Variants in STK32B observed in about 807,000 individuals in gnomAD.
The protein encoded by STK32B is serine/threonine kinase 32B.
Under a neutral mutation model 52.6 loss-of-function variants are expected in STK32B, and 43 were observed. The ratio of observed to expected loss-of-function variants is 0.82; its 90% confidence interval spans 0.64 to 1.05. The LOEUF is 1.05. Among genes scored for constraint, STK32B ranks in the 50% least tolerant of loss-of-function variants. The pLI, the probability that STK32B is intolerant of heterozygous loss-of-function variation, is 0.00. For missense variants in STK32B, 621 were observed against 534.6 expected (o/e 1.16, Z -1.59); for synonymous variants, 238 against 204.3 (o/e 1.17, Z -1.41).
At chr4:5,319,038 T>C (rs958736162) in intron 3 of STK32B, among the ~76,000 whole-genome samples, 9 of 152,058 alleles carry the variant, frequency 5.9e-5, no homozygotes, top group Non-Finnish European at 1.0e-4. Flanking sequence ...TCTCCTGACC[T>C]TGTGATCCAC....
chr4:5,343,760 A>G (rs1284957353), intron 4 of STK32B, among the ~76,000 whole-genome samples: 1 of 152,228 alleles, frequency 6.6e-6, no homozygotes, highest in Non-Finnish European at 1.5e-5. Context: ...CAGCAAAAGA[A>G]ACTATCATTA....
intron 1 of STK32B, among the ~76,000 whole-genome samples, chr4:5,132,924 A>G (rs1397101604): frequency 1.3e-5 from 2 of 151,616 alleles, no homozygotes; most frequent in Non-Finnish European, 2.9e-5. Context: ...TCAGCCTCCC[A>G]AGTAGCTGGG....
In STK32B at chr4:5,469,365, T is replaced by C. The variant is rs1236358283; in HGVS notation, c.1106+1295T>C. On this transcript the variant is annotated intron_variant, in intron 11 of 11. Transcript: ENST00000282908. This position sits in a 1 kb window ranked among gnomAD's most constrained non-coding sequence, Gnocchi z 4.7. ...GGCAGTGCATGTCACAGCAGACACC[T>C]GGCTCAGCCTGGGTGGTTGGGGAAG... Among the ~76,000 whole-genome samples the C allele has an allele frequency of 6.6e-6, 1 of 152,194 alleles. No homozygotes were observed. Among genetic ancestry groups the C allele is most frequent in the Non-Finnish European group, 1.5e-5 (1 of 68,024 alleles).
At chr4:5,183,954 G>A (rs1443248232) in intron 3 of STK32B, among the ~76,000 whole-genome samples, 1 of 152,178 alleles carries the variant, frequency 6.6e-6, no homozygotes, top group Non-Finnish European at 1.5e-5. Context: ...GTTGTGGCGA[G>A]TTTGATTTTC....
chr4:5,142,057 A>C (rs1179855732), intron 2 of STK32B, among the ~76,000 whole-genome samples: 1 of 152,122 alleles, frequency 6.6e-6, no homozygotes, highest in African/African-American at 2.4e-5. Context: ...TGTAGCTGGG[A>C]GACGAGCTCT....
chr4:5,115,094 G>C (rs1714643920), intron 1 of STK32B, among the ~76,000 whole-genome samples: 1 of 152,202 alleles, frequency 6.6e-6, no homozygotes, highest in Non-Finnish European at 1.5e-5. Context: ...CATTTTGTTG[G>C]AAGCTAAAGG....
intron 1 of STK32B, 134 bp downstream of exon 1, chr4:5,052,049 C>A: frequency 7.4e-7 from 1 of 1,344,496 alleles, no homozygotes; most frequent in Non-Finnish European, 1.0e-6. Context: ...CCAGCGAATG[C>A]AGTGTGTGCC....
At chr4:5,437,501 G>T (rs936387818) in intron 6 of STK32B, among the ~76,000 whole-genome samples, 1 of 152,172 alleles carries the variant, frequency 6.6e-6, no homozygotes, top group Non-Finnish European at 1.5e-5. Context: ...TCAGTTGTTG[G>T]ATTTAGGGCC....
chr4:5,056,154 A>G (rs1741997824), intron 1 of STK32B, among the ~76,000 whole-genome samples: 1 of 152,066 alleles, frequency 6.6e-6, no homozygotes, highest in Non-Finnish European at 1.5e-5. Context: ...CATGTGAGGG[A>G]TCTAGGTTGT....
At chr4:5,147,046 CTCTT>C (rs1303118773) in intron 2 of STK32B, among the ~76,000 whole-genome samples, 4 of 151,912 alleles carry the variant, frequency 2.6e-5, no homozygotes, top group Non-Finnish European at 4.4e-5. Flanking sequence ...CATGGTATAT[CTCTT>C]TATTTATCTC....
chr4:5,334,674 T>C lies in STK32B; in HGVS notation c.434+3281T>C, dbSNP rs1391588152. The stretch of plus-strand genomic sequence containing the variant: ...CCATCAATACCTAATTTATTGAGAG[T>C]TTTTAGCCTGAAGGGTTGTTGAATT... On this transcript the variant is annotated intron_variant, in intron 4 of 11. Coordinates refer to ENST00000282908, the MANE Select transcript of STK32B (RefSeq NM_018401.3). Among the ~76,000 whole-genome samples, 4 of 150,652 alleles carry C rather than the reference T, an allele frequency of 2.7e-5. No individual in the cohort carries two copies. In the East Asian group the frequency reaches 7.8e-4, roughly 29 times the overall value.
intron 2 of STK32B, among the ~76,000 whole-genome samples, chr4:5,141,032 G>C (rs536422646): frequency 2.0e-4 from 31 of 152,320 alleles, no homozygotes; most frequent in African/African-American, 7.5e-4. Context: ...AGAAGTTGCT[G>C]TTTTGTAGAG....
intron 4 of STK32B, among the ~76,000 whole-genome samples, chr4:5,334,052 A>G (rs1056575484): frequency 1.5e-3 from 223 of 152,232 alleles, no homozygotes; most frequent in African/African-American, 5.2e-3. Flanking sequence ...CATAGAATCT[A>G]TAAATTACCT....
intron 3 of STK32B, among the ~76,000 whole-genome samples, chr4:5,301,633 T>G: frequency 6.6e-6 from 1 of 150,400 alleles, no homozygotes; most frequent in South Asian, 2.1e-4. Context: ...CTTTTTCATT[T>G]CAAATTTAAT....
chr4:5,224,384 A>G (rs1350321360), intron 3 of STK32B, among the ~76,000 whole-genome samples: 3 of 152,302 alleles, frequency 2.0e-5, no homozygotes, highest in Non-Finnish European at 4.4e-5. Flanking sequence ...CTCTTAGCCT[A>G]CTAGAATGTT....
intron 3 of STK32B, among the ~76,000 whole-genome samples, chr4:5,177,859 C>G (rs1276242595): frequency 6.6e-6 from 1 of 152,232 alleles, no homozygotes; most frequent in African/African-American, 2.4e-5. Context: ...AGTTGGGCTC[C>G]CCAGGCCTTG....
intron 6 of STK32B, among the ~76,000 whole-genome samples, chr4:5,443,397 G>A (rs148498087): frequency 0.012 from 1,749 of 151,700 alleles, 26 homozygotes; most frequent in African/African-American, 0.039. Context: ...TGATCGCATC[G>A]GCTCCTGAGG....
At chr4:5,069,328 C>CT (rs1711614037) in intron 1 of STK32B, among the ~76,000 whole-genome samples, 3 of 151,848 alleles carry the variant, frequency 2.0e-5, no homozygotes, top group Admixed American at 6.6e-5. Flanking sequence ...GAGCCCCACA[C>CT]TTTCTTTTTG....
At chr4:5,459,685 G>A (rs2109149053) in intron 8 of STK32B, among the ~76,000 whole-genome samples, 2 of 152,334 alleles carry the variant, frequency 1.3e-5, no homozygotes, top group Middle Eastern at 6.8e-3. Flanking sequence ...TCACCTCGTA[G>A]CTGTCCAGGT....
Sources: gnomAD v4.1 joint callset for allele counts (sites outside exome capture counted in the v4.1 genomes callset) on GRCh38, gnomAD v4.1.1 for gene constraint, Gnocchi (gnomAD v3.1) non-coding constraint, MANE v1.5 for transcripts, NCBI Gene and HGNC (gene_info 2026-07-23, HGNC 2026-07-21) for gene names.